TLR7: variants seen among roughly 807,000 people sequenced by gnomAD.
TLR7 encodes toll-like receptor 7.
TLR7 carries 12 observed loss-of-function variants against 38.3 expected under a neutral mutation model. The observed-to-expected ratio is 0.31, with a 90% CI of 0.20 to 0.51. The LOEUF (loss-of-function observed/expected upper bound fraction) is 0.51. Ranked by LOEUF, TLR7 falls within the 20% of genes least tolerant of loss-of-function variation. The pLI is 0.98. For synonymous variants in TLR7, 285 were observed against 293.8 expected (o/e 0.97, Z 0.31); for missense variants, 504 against 743.4 (o/e 0.68, Z 3.74).
At position 12,882,012 on chromosome X, in the gene TLR7, G is replaced by C. The variant is rs752982684; in HGVS notation, c.4-3500G>C. Among the ~76,000 whole-genome samples, 8 of 111,241 alleles carry C rather than the reference G, an allele frequency of 7.2e-5. No individual in the cohort carries two copies. In the East Asian group the frequency reaches 2.0e-3, roughly 27 times the overall value. ...AGGCAACTAAGGGGTGGTAATGACC[G>C]GGCTGTGGGAAGAGGAGGAGAAAGA... On this transcript the variant is annotated intron_variant, in intron 2 of 2. Transcript: ENST00000380659.
chrX:12,875,609 T>A (rs2042867609), intron 2 of TLR7, among the ~76,000 whole-genome samples: 1 of 110,527 alleles, frequency 9.0e-6, no homozygotes, highest in Admixed American at 9.6e-5. Flanking sequence ...TGGGGGCGGG[T>A]TTTTCCCATG....
chrX:12,869,473 A>C (rs2042844800), intron 2 of TLR7, among the ~76,000 whole-genome samples: 1 of 111,378 alleles, frequency 9.0e-6, no homozygotes, highest in Non-Finnish European at 1.9e-5. Flanking sequence ...TATCCTCAGC[A>C]AACTAACACA....
Position 12,888,080 on chromosome X carries a change from A to G in TLR7, c.2572A>G (p.Thr858Ala), listed in dbSNP as rs2042917517. Residue 858 changes from threonine to alanine, a missense_variant, in exon 3 of 3, where the codon ACA becomes GCA. Physicochemically the swap from Thr to Ala is moderately conservative, Grantham distance 58 (BLOSUM62 0). Transcript: ENST00000380659. ...ATCTCTCTTTCTCATGGTGATGATG[A>G]CAGCAAGTCACCTCTATTTCTGGGA... ...SVSLFLMVMM[T>A]ASHLYFWDVW... 8.3e-7 allele frequency: 1 copy of G among 1,208,791 alleles called. No homozygotes were observed. Among genetic ancestry groups the G allele is most frequent in the African/African-American group, 1.8e-5 (1 of 57,119 alleles).
In TLR7 at chrX:12,886,907, A is replaced by G. The variant is rs756477203; in HGVS notation, c.1399A>G (p.Arg467Gly). The change falls in exon 3 of 3, where the codon AGA becomes GGA. Residue 467 changes from arginine (R) to glycine (G), a missense_variant. Arg to Gly is a moderately radical substitution (Grantham distance 125). Transcript: ENST00000380659. Reference protein sequence around the residue: ...PQVLEQLHYFRYDKYARSCRF... With the variant: ...PQVLEQLHYFGYDKYARSCRF... ...GGTCCTGGAACAATTACATTATTTC[A>G]GATATGATAAGTATGCAAGGAGTTG... 1.7e-6 allele frequency: 2 copies of G among 1,207,513 alleles called. No homozygotes were observed.
At chrX:12,875,124 G>A (rs1329326118) in intron 2 of TLR7, among the ~76,000 whole-genome samples, 1 of 111,582 alleles carries the variant, frequency 9.0e-6, no homozygotes, top group African/African-American at 3.3e-5. Flanking sequence ...ACCTTGAAGA[G>A]TTGTTTATTC....
chrX:12,874,557 A>T (rs753704498), intron 2 of TLR7, among the ~76,000 whole-genome samples: 13 of 111,146 alleles, frequency 1.2e-4, no homozygotes, highest in African/African-American at 4.3e-4. Context: ...CTCTACACCA[A>T]CCATTAGAGT....
At chrX:12,873,751 C>T (rs1421191219) in intron 2 of TLR7, among the ~76,000 whole-genome samples, 1 of 111,907 alleles carries the variant, frequency 8.9e-6, no homozygotes, top group Non-Finnish European at 1.9e-5. Flanking sequence ...CAAATATATG[C>T]ATATATATTT....
intron 2 of TLR7, among the ~76,000 whole-genome samples, chrX:12,870,654 A>G (rs2042849199): frequency 8.9e-6 from 1 of 111,845 alleles, no homozygotes; most frequent in Non-Finnish European, 1.9e-5. Flanking sequence ...CTCATGAGCT[A>G]AGGGGTTTTT....
intron 2 of TLR7, among the ~76,000 whole-genome samples, chrX:12,878,324 C>T (rs2042880161): frequency 1.8e-5 from 2 of 112,061 alleles, no homozygotes; most frequent in African/African-American, 6.5e-5. Context: ...TGTCCCACTA[C>T]CTATTGTTGT....
intron 2 of TLR7, among the ~76,000 whole-genome samples, chrX:12,868,065 T>C (rs1364764438): frequency 8.9e-6 from 1 of 112,369 alleles, no homozygotes; most frequent in African/African-American, 3.2e-5. Context: ...ATAAAGATAC[T>C]ATCAGGACTA....
rs763567404 is a variant in TLR7, at chrX:12,873,621, G to A, written c.3+6040G>A. Among the ~76,000 whole-genome samples the A allele has an allele frequency of 1.1e-4, 12 of 111,972 alleles. No individual in the cohort carries two copies. The East Asian group carries it at 3.3e-3, about 31-fold the overall frequency. On this transcript the variant is annotated intron_variant, in intron 2 of 2. Coordinates refer to ENST00000380659, the MANE Select transcript of TLR7 (RefSeq NM_016562.4). ...TGATAAAAAGTCAAAGAGTAGAGAA[G>A]GGTATAACATAAAAATAGAAGTCCC...
intron 2 of TLR7, among the ~76,000 whole-genome samples, chrX:12,882,948 A>G (rs984539395): frequency 9.0e-6 from 1 of 110,828 alleles, no homozygotes; most frequent in Non-Finnish European, 1.9e-5. Context: ...CTGAAGTACA[A>G]CTCCACTCTC....
intron 2 of TLR7, among the ~76,000 whole-genome samples, chrX:12,871,662 C>CT (rs2042853291): frequency 9.0e-6 from 1 of 111,531 alleles, no homozygotes; most frequent in Non-Finnish European, 1.9e-5. Flanking sequence ...GGCAACTTGG[C>CT]TTTTTTCTGC....
rs570004415 is a variant in TLR7 at position 12,889,296 on chromosome X, G to C, written c.*638G>C. 1 of 111,220 alleles carries C rather than the reference G, an allele frequency of 9.0e-6. No individual in the cohort carries two copies. Among genetic ancestry groups the C allele is most frequent in the African/African-American group, 3.3e-5 (1 of 30,487 alleles). 9.2% of individuals were successfully genotyped at this position (111,220 alleles called of 1,213,427 possible). ...GCCTGTAATCCCAGCTACTTGGGAG[G>C]CTGAGGCAGGAGAATCGCTTGAACC... On this transcript the variant is annotated 3_prime_UTR_variant, in exon 3 of 3. Coordinates refer to ENST00000380659, the MANE Select transcript of TLR7 (RefSeq NM_016562.4).
At chrX:12,882,561 G>A (rs920682999) in intron 2 of TLR7, among the ~76,000 whole-genome samples, 1 of 111,688 alleles carries the variant, frequency 9.0e-6, no homozygotes, top group Non-Finnish European at 1.9e-5. Flanking sequence ...GGCCAGTGGC[G>A]TGCTGGACCC....
intron 2 of TLR7, among the ~76,000 whole-genome samples, chrX:12,881,886 G>A (rs1404073112): frequency 8.9e-6 from 1 of 112,042 alleles, no homozygotes; most frequent in Non-Finnish European, 1.9e-5. Flanking sequence ...TAAGTGCTAC[G>A]TAAGTTAACT....
Position 12,886,164 on chromosome X carries a change from T to G in TLR7, c.656T>G (p.Val219Gly), listed in dbSNP as rs1320272321. The G allele has an allele frequency of 8.3e-7, 1 of 1,209,841 alleles. No individual in the cohort carries two copies. Among genetic ancestry groups the G allele is most frequent in the African/African-American group, 1.7e-5 (1 of 57,216 alleles). The change falls in exon 3 of 3, where the codon GTC (valine) becomes GGC (glycine). Residue 219 changes from valine (V) to glycine (G), a missense_variant. Transcript: ENST00000380659. ...CTGAAAGATAACAATGTCACAGCCG[T>G]CCCTACTGTTTTGCCATCTACTTTA... ...LSLKDNNVTA[V>G]PTVLPSTLTE...
At chrX:12,871,126 T>TA (rs1369174892) in intron 2 of TLR7, among the ~76,000 whole-genome samples, 2 of 111,621 alleles carry the variant, frequency 1.8e-5, no homozygotes, top group Admixed American at 1.9e-4. Flanking sequence ...CTCCTTTTTT[T>TA]AAAAAAAAGC....
At chrX:12,871,405 G>A in intron 2 of TLR7, among the ~76,000 whole-genome samples, 1 of 112,034 alleles carries the variant, frequency 8.9e-6, no homozygotes, top group East Asian at 2.8e-4. Context: ...AAACAATTCA[G>A]TGTGATATAA....
Sources: gnomAD v4.1 joint callset for allele counts (sites outside exome capture counted in the v4.1 genomes callset) on GRCh38, gnomAD v4.1.1 for gene constraint, MANE v1.5 for transcripts, NCBI Gene and HGNC (gene_info 2026-07-23, HGNC 2026-07-21) for gene names.